Variants in SCAPER observed in about 807,000 individuals in gnomAD.
The protein encoded by SCAPER is S-phase cyclin A associated protein in the ER.
A neutral mutation model predicts 182.2 loss-of-function variants in SCAPER; 98 were observed. The ratio of observed to expected loss-of-function variants is 0.54; its 90% CI spans 0.46 to 0.64. The LOEUF is 0.64. Among genes scored for constraint, SCAPER ranks in the 30% least tolerant of loss-of-function variants. SCAPER has a pLI of 0.00. For missense variants in SCAPER, 1,432 were observed against 1,690.0 expected (o/e 0.85, Z 2.68); for synonymous variants, 605 against 564.6 (o/e 1.07, Z -1.01).
At chr15:76,562,897 C>T (rs2046752249) in intron 23 of SCAPER, among the ~76,000 whole-genome samples, 1 of 152,064 alleles carries the variant, frequency 6.6e-6, no homozygotes, top group African/African-American at 2.4e-5. Flanking sequence ...GCACATTATA[C>T]AGTAATGGAA....
intron 17 of SCAPER, among the ~76,000 whole-genome samples, chr15:76,711,863 A>G (rs1219716197): frequency 6.6e-6 from 1 of 152,166 alleles, no homozygotes; most frequent in African/African-American, 2.4e-5. Context: ...GTAGGTTGCA[A>G]AAATTTTCTC....
At chr15:76,615,215 G>C (rs2051341201) in intron 22 of SCAPER, among the ~76,000 whole-genome samples, 1 of 151,818 alleles carries the variant, frequency 6.6e-6, no homozygotes, top group Admixed American at 6.6e-5. Flanking sequence ...AGGCTGAGGG[G>C]GGGCGGATTG....
chr15:76,754,039 C>T (rs2062257811), intron 14 of SCAPER, 91 bp from the exon 15 acceptor site: 2 of 1,369,032 alleles, frequency 1.5e-6, no homozygotes, highest in South Asian at 2.8e-5. Flanking sequence ...GAAATATAAA[C>T]TCTAAGCGTG....
rs184292894 is a variant in SCAPER at position 76,849,072 on chromosome 15, T to A, written c.196-7141A>T. 4.4e-3 allele frequency among the ~76,000 whole-genome samples: 668 copies of A among 152,238 alleles called. 4 individuals are homozygous for A. The highest frequency in any genetic ancestry group is 5.1e-3 in the Non-Finnish European group (344 of 67,986). The stretch of plus-strand genomic sequence containing the variant: ...AGAGCCTAAGGGCTACACTCAAACT[T>A]AGAGTACATCACAGCCACCATATGG... On this transcript the variant is annotated intron_variant, in intron 4 of 31. Coordinates refer to ENST00000563290, the MANE Select transcript of SCAPER (RefSeq NM_020843.4).
At chr15:76,849,240 G>A (rs1053869645) in intron 4 of SCAPER, among the ~76,000 whole-genome samples, 9 of 152,180 alleles carry the variant, frequency 5.9e-5, no homozygotes, top group Admixed American at 5.9e-4. Context: ...TTTCTTGGAG[G>A]TGGAGCCCCT....
At chr15:76,686,446 T>A (rs919837368) in intron 20 of SCAPER, among the ~76,000 whole-genome samples, 1 of 152,114 alleles carries the variant, frequency 6.6e-6, no homozygotes, top group Non-Finnish European at 1.5e-5. Context: ...ATAACTCTTA[T>A]ACGTCACTGG....
chr15:76,550,461 T>A (rs538999747), intron 23 of SCAPER, among the ~76,000 whole-genome samples: 3 of 152,308 alleles, frequency 2.0e-5, no homozygotes, highest in African/African-American at 7.2e-5. Flanking sequence ...TTTCTGTGCC[T>A]ATGTTAGTTT....
intron 23 of SCAPER, among the ~76,000 whole-genome samples, chr15:76,538,342 T>A (rs1407353152): frequency 6.8e-6 from 1 of 148,112 alleles, no homozygotes; most frequent in Non-Finnish European, 1.5e-5. Context: ...ATAGACTGGA[T>A]TAAGAAAATG....
At chr15:76,676,088 G>A (rs1427140778) in intron 20 of SCAPER, among the ~76,000 whole-genome samples, 1 of 152,178 alleles carries the variant, frequency 6.6e-6, no homozygotes, top group African/African-American at 2.4e-5. Flanking sequence ...GCCTTCCAAA[G>A]TGCCGAGATT....
chr15:76,694,220 A>G (rs927851360), intron 20 of SCAPER, among the ~76,000 whole-genome samples: 2 of 152,156 alleles, frequency 1.3e-5, no homozygotes, highest in African/African-American at 4.8e-5. Flanking sequence ...CTTCCAATCC[A>G]TGAACACAGG....
intron 2 of SCAPER, among the ~76,000 whole-genome samples, chr15:76,866,096 T>C (rs1228185127): frequency 4.6e-5 from 7 of 152,194 alleles, no homozygotes; most frequent in Non-Finnish European, 1.0e-4. Flanking sequence ...CTGGCATCTA[T>C]CATTTAGCAT....
intron 23 of SCAPER, among the ~76,000 whole-genome samples, chr15:76,556,241 T>C (rs778487209): frequency 7.2e-5 from 11 of 152,096 alleles, no homozygotes; most frequent in Non-Finnish European, 1.0e-4. Context: ...AGATACAACA[T>C]ACCAGAATCT....
chr15:76,700,956 G>C lies in SCAPER; in HGVS notation c.2508+802C>G, dbSNP rs539693330. 3.9e-5 allele frequency among the ~76,000 whole-genome samples: 6 copies of C among 152,152 alleles called. 1 individual carries two copies. The highest frequency in any genetic ancestry group is 1.4e-4 in the African/African-American group (6 of 41,526). ...TTAACTTTTGGGGACATAAGTAGGA[G>C]GGGGCATAAGAGGAGCCCAAAGGGT... On this transcript the variant is annotated intron_variant, in intron 20 of 31. Coordinates refer to ENST00000563290, the MANE Select transcript of SCAPER (RefSeq NM_020843.4).
At position 76,404,511 on chromosome 15, in the gene SCAPER, G is replaced by A. The variant is rs774815335; in HGVS notation, c.3467+13C>T. 19 of 1,590,442 alleles carry A rather than the reference G, an allele frequency of 1.2e-5. No individual in the cohort carries two copies. The Admixed American group carries it at 2.4e-4, about 20-fold the overall frequency. On this transcript the variant is annotated intron_variant, in intron 27 of 31. Coordinates refer to ENST00000563290, the MANE Select transcript of SCAPER (RefSeq NM_020843.4). The stretch of plus-strand genomic sequence containing the variant: ...AAAGTTGAGTCTAGATTGAGATCAA[G>A]TAGATGCCTTACCTTCCAGTGACAG...
chr15:76,727,243 A>G (rs1290748516), intron 17 of SCAPER, among the ~76,000 whole-genome samples: 1 of 152,092 alleles, frequency 6.6e-6, no homozygotes, highest in Non-Finnish European at 1.5e-5. Flanking sequence ...TTTATAGTTT[A>G]TTTTTAAATA....
rs189214285 is a variant in SCAPER at position 76,767,952 on chromosome 15, T to C, written c.1249-864A>G. On this transcript the variant is annotated intron_variant, in intron 10 of 31. Coordinates refer to ENST00000563290, the MANE Select transcript of SCAPER (RefSeq NM_020843.4). ...CAGACACAGATTTCAGTGCAAAAAA[T>C]ATCACCAGGAATAAAGAAGACCAAT... 6.6e-5 allele frequency among the ~76,000 whole-genome samples: 10 copies of C among 152,008 alleles called. No individual in the cohort carries two copies. The East Asian group carries it at 1.9e-3, about 29-fold the overall frequency.
intron 5 of SCAPER, among the ~76,000 whole-genome samples, chr15:76,830,120 T>A (rs1416681427): frequency 6.6e-6 from 1 of 152,018 alleles, no homozygotes; most frequent in African/African-American, 2.4e-5. Context: ...GGGAAGAGTG[T>A]TCTGGGCGGA....
intron 15 of SCAPER, among the ~76,000 whole-genome samples, chr15:76,749,829 A>T (rs2061991224): frequency 6.6e-6 from 1 of 151,976 alleles, no homozygotes; most frequent in Non-Finnish European, 1.5e-5. Flanking sequence ...ATGCAAACCC[A>T]ATTTAAACCC....
At chr15:76,849,095 T>C (rs937166814) in intron 4 of SCAPER, among the ~76,000 whole-genome samples, 2 of 152,146 alleles carry the variant, frequency 1.3e-5, no homozygotes, top group Non-Finnish European at 2.9e-5. Context: ...AGCCACCATA[T>C]GGAGAGGAGA....
Sources: gnomAD v4.1 joint callset for allele counts (sites outside exome capture counted in the v4.1 genomes callset) on GRCh38, gnomAD v4.1.1 for gene constraint, MANE v1.5 for transcripts, NCBI Gene and HGNC (gene_info 2026-07-23, HGNC 2026-07-21) for gene names.